Variants in CENPE observed in about 807,000 individuals in gnomAD.
CENPE encodes centromere protein E.
Under a neutral mutation model 336.1 loss-of-function variants are expected in CENPE, and 145 were observed. The observed-to-expected ratio is 0.43, with a 90% CI of 0.38 to 0.50. The LOEUF is 0.50. Ranked by LOEUF, CENPE falls within the 20% of genes least tolerant of loss-of-function variation. CENPE has a pLI of 0.00. For synonymous variants in CENPE, 1,013 were observed against 984.8 expected (o/e 1.03, Z -0.54); for missense variants, 2,719 against 3,023.3 (o/e 0.90, Z 2.36).
chr4:103,159,311 G>A lies in CENPE; in HGVS notation c.2300C>T (p.Ser767Phe). 1 of 1,484,218 alleles carries A rather than the reference G, an allele frequency of 6.7e-7. No individual in the cohort carries two copies. Among genetic ancestry groups the A allele is most frequent in the African/African-American group, 1.4e-5 (1 of 69,492 alleles). 91.9% of individuals were successfully genotyped at this position (1,484,218 alleles called of 1,614,324 possible). A position where few individuals can be genotyped will look rare whatever the true frequency, so the allele number is the denominator to read the frequency against. The change falls in exon 22 of 49, where the codon TCT (serine) becomes TTT (phenylalanine). Residue 767 changes from serine (S) to phenylalanine (F), a missense_variant. Around this residue, in one of 5 missense-constraint regions of CENPE, gnomAD observed 2,437 missense variants for 2,513.3 expected, o/e 0.97. Transcript: ENST00000265148. ...TGATGTTATTATATGGAGCTCTTCA[G>A]ATTTGTCTTGTATCTATGGAAAAGA... ...ERLRKEIQDK[S>F]EELHIITSEK...
chr4:103,163,396 T>A (rs1223474906), intron 17 of CENPE, 83 bp downstream of exon 17: 6 of 1,263,926 alleles, frequency 4.7e-6, no homozygotes, highest in Non-Finnish European at 5.6e-6. Flanking sequence ...TTCCCTTATT[T>A]CTGACATCAT....
At chr4:103,173,366 GT>G (rs1449717108) in intron 16 of CENPE, among the ~76,000 whole-genome samples, 1 of 151,984 alleles carries the variant, frequency 6.6e-6, no homozygotes, top group Admixed American at 6.6e-5. Flanking sequence ...TTCAGAATGA[GT>G]TAAGGACTTA....
chr4:103,112,633 T>C (rs1376580329), intron 46 of CENPE, among the ~76,000 whole-genome samples: 1 of 132,250 alleles, frequency 7.6e-6, no homozygotes, highest in Admixed American at 7.9e-5. Context: ...TGTAAGTATA[T>C]ATAAGTGGAT....
At chr4:103,154,777 A>T (rs1021197038) in intron 24 of CENPE, among the ~76,000 whole-genome samples, 1 of 152,224 alleles carries the variant, frequency 6.6e-6, no homozygotes, top group African/African-American at 2.4e-5. Flanking sequence ...GAAAAAGGAA[A>T]AAAATTGTCC....
Position 103,196,744 on chromosome 4 carries a change from C to T in CENPE, c.148+15G>A, listed in dbSNP as rs773375088. On this transcript the variant is annotated intron_variant, in intron 2 of 48. Transcript: ENST00000265148. Reference sequence around the variant, plus strand: ...AAGGATAACAAGGTAACTTTTGATGCTATTATAAGCTTACCAAAATTGAAG... The same window carrying T: ...AAGGATAACAAGGTAACTTTTGATGTTATTATAAGCTTACCAAAATTGAAG... The T allele has an allele frequency of 6.6e-6, 8 of 1,213,584 alleles. No homozygotes were observed. The highest frequency in any genetic ancestry group is 2.6e-5 in the South Asian group (2 of 76,056). 75.2% of individuals were successfully genotyped at this position (1,213,584 alleles called of 1,614,324 possible).
intron 8 of CENPE, among the ~76,000 whole-genome samples, chr4:103,190,423 T>C (rs1168563960): frequency 1.3e-5 from 2 of 152,294 alleles, no homozygotes; most frequent in African/African-American, 4.8e-5. Context: ...CAAAACAGCA[T>C]GGTACTAGTA....
chr4:103,146,208 G>C, intron 29 of CENPE, 101 bp from the exon 30 acceptor site: 1 of 1,043,772 alleles, frequency 9.6e-7, no homozygotes, highest in Non-Finnish European at 1.4e-6. Flanking sequence ...GCAGGATTCA[G>C]TGCCTCATTT....
At chr4:103,155,968 G>A (rs1381681172) in intron 24 of CENPE, among the ~76,000 whole-genome samples, 1 of 152,018 alleles carries the variant, frequency 6.6e-6, no homozygotes, top group Non-Finnish European at 1.5e-5. Flanking sequence ...ACGATCCAAA[G>A]AAGAAATTAA....
At chr4:103,195,298 T>C (rs531609252) in intron 4 of CENPE, 65 bp from the exon 5 acceptor site, 29 of 1,398,592 alleles carry the variant, frequency 2.1e-5, no homozygotes, top group Admixed American at 1.0e-4. Context: ...TAATGCTAAA[T>C]GCTCATGTGC....
intron 8 of CENPE, among the ~76,000 whole-genome samples, chr4:103,190,778 C>G (rs993988302): frequency 6.6e-6 from 1 of 152,012 alleles, no homozygotes; most frequent in African/African-American, 2.4e-5. Context: ...ACAACAAAAG[C>G]CAAAATTGAC....
intron 16 of CENPE, among the ~76,000 whole-genome samples, chr4:103,169,148 CA>C (rs1246774068): frequency 6.7e-6 from 1 of 149,228 alleles, no homozygotes; most frequent in East Asian, 2.0e-4. Context: ...ATACAATGAA[CA>C]AAATGAAAAA....
intron 42 of CENPE, among the ~76,000 whole-genome samples, chr4:103,130,513 A>G (rs1327476724): frequency 6.6e-6 from 1 of 152,180 alleles, no homozygotes; most frequent in African/African-American, 2.4e-5. Flanking sequence ...AAAAAAATAA[A>G]AGAATCAAAT....
At chr4:103,139,120 G>T (rs774589569) in intron 38 of CENPE, among the ~76,000 whole-genome samples, 3 of 108,384 alleles carry the variant, frequency 2.8e-5, no homozygotes, top group Non-Finnish European at 6.9e-5. Flanking sequence ...AGTATAAAGT[G>T]AAACAAAAAC....
rs1418532407 is a variant in CENPE at position 103,146,122 on chromosome 4, A to G, written c.4135-15T>C. On this transcript the variant is annotated splice_polypyrimidine_tract_variant and intron_variant, in intron 29 of 48. Transcript: ENST00000265148. Reference sequence around the variant, plus strand: ...GACTCCTGGATCTTAAGAGAATCATAAAACAGTACAGTTGATATCCAGAGA... The same window carrying G: ...GACTCCTGGATCTTAAGAGAATCATGAAACAGTACAGTTGATATCCAGAGA... 1 of 1,606,202 alleles carries G rather than the reference A, an allele frequency of 6.2e-7. No individual in the cohort carries two copies. The highest frequency in any genetic ancestry group is 2.2e-5 in the East Asian group (1 of 44,770).
chr4:103,145,683 TTTA>T lies in CENPE; in HGVS notation c.4414-5_4414-3del, dbSNP rs1189131611. The stretch of plus-strand genomic sequence containing the variant: ...AAGTTCCTCTTCAGTTTCCAGGTGC[TTTA>T]TTATTAGAGGAAATTCCAATAAATT... On this transcript the variant is annotated splice_region_variant and splice_polypyrimidine_tract_variant and intron_variant, in intron 30 of 48. Coordinates refer to ENST00000265148, the MANE Select transcript of CENPE (RefSeq NM_001813.3). The T allele has an allele frequency of 1.3e-6, 2 of 1,573,982 alleles. No individual in the cohort carries two copies.
At chr4:103,160,854 T>C (rs1754384794) in intron 20 of CENPE, 75 bp from the exon 21 acceptor site, 3 of 1,280,216 alleles carry the variant, frequency 2.3e-6, no homozygotes, top group Non-Finnish European at 3.2e-6. Context: ...TGTCCTTGAA[T>C]CACCTTTTTC....
intron 9 of CENPE, among the ~76,000 whole-genome samples, 173 bp downstream of exon 9, chr4:103,185,637 T>C (rs1178812817): frequency 6.6e-6 from 1 of 152,114 alleles, no homozygotes; most frequent in Non-Finnish European, 1.5e-5. Context: ...ATTAAGCAGA[T>C]ACAGATGCTG....
chr4:103,198,299 C>T lies in CENPE; in HGVS notation c.21G>A (p.Val7=). The T allele has an allele frequency of 6.4e-7, 1 of 1,551,060 alleles. No homozygotes were observed. Among genetic ancestry groups the T allele is most frequent in the Non-Finnish European group, 8.7e-7 (1 of 1,146,900 alleles). Residue 7 remains valine (V), a synonymous_variant, in exon 1 of 49, where the codon GTG becomes GTA. Coordinates refer to ENST00000265148, the MANE Select transcript of CENPE (RefSeq NM_001813.3). The part of the protein sequence containing the change: MAEEGA[V]AVCVRVRPLN... ...GCGGCCGCACTCGCACGCAGACGGC[C>T]ACGGCTCCTTCCTCCGCCATCCTAT...
chr4:103,117,353 T>C, intron 44 of CENPE, among the ~76,000 whole-genome samples: 1 of 152,222 alleles, frequency 6.6e-6, no homozygotes. Context: ...ATTTGTATTG[T>C]ACATTCTGTG....
Sources: allele counts gnomAD v4.1 joint callset (sites outside exome capture counted in the v4.1 genomes callset), GRCh38; gene constraint gnomAD v4.1.1; regional missense constraint gnomAD v4.1.1; transcripts MANE v1.5; gene names NCBI Gene and HGNC (gene_info 2026-07-23, HGNC 2026-07-21).